MAGI1: variants seen among roughly 807,000 people sequenced by gnomAD.
MAGI1 encodes membrane associated guanylate kinase, WW and PDZ domain containing 1.
Under a neutral mutation model 139.9 loss-of-function variants are expected in MAGI1, and 58 were observed. That is an observed-to-expected ratio of 0.41 (90% confidence interval 0.34 to 0.52). MAGI1 has a LOEUF of 0.52. MAGI1 is among the 20% of genes least tolerant of loss of function. The pLI is 0.12. For synonymous variants in MAGI1, 812 were observed against 737.9 expected (o/e 1.10, Z -1.63); for missense variants, 1,874 against 1,901.6 (o/e 0.99, Z 0.27).
chr3:65,992,546 G>C (rs1037599855), intron 1 of MAGI1, among the ~76,000 whole-genome samples: 1 of 152,166 alleles, frequency 6.6e-6, no homozygotes, highest in African/African-American at 2.4e-5. Context: ...TACCAGGACT[G>C]TCTAACCAAA....
intron 3 of MAGI1, among the ~76,000 whole-genome samples, chr3:65,493,100 G>T (rs893000249): frequency 2.1e-5 from 3 of 145,848 alleles, no homozygotes; most frequent in Admixed American, 6.8e-5. Context: ...AAAAAAGTTT[G>T]CTTTATGAAT....
At chr3:65,427,541 T>C (rs1947143028) in intron 12 of MAGI1, among the ~76,000 whole-genome samples, 1 of 152,162 alleles carries the variant, frequency 6.6e-6, no homozygotes, top group South Asian at 2.1e-4. Context: ...GGTTTGTGTC[T>C]GTCAAATGAG....
Position 65,693,665 on chromosome 3 carries a change from G to T in MAGI1, c.314-71577C>A, listed in dbSNP as rs556612803. Among the ~76,000 whole-genome samples, 13 of 152,204 alleles carry T rather than the reference G, an allele frequency of 8.5e-5. No homozygotes were observed. The East Asian group carries it at 2.3e-3, about 27-fold the overall frequency. On this transcript the variant is annotated intron_variant, in intron 1 of 22. Coordinates refer to ENST00000402939, the MANE Select transcript of MAGI1 (RefSeq NM_001033057.2). ...GCCTGATCCAAGAAGACCAGCAGAT[G>T]TTGAATTCTGACAGGGTATCCATAT...
In MAGI1 at chr3:65,958,790, C is replaced by A. The variant is rs570469866; in HGVS notation, c.313+79206G>T. Among the ~76,000 whole-genome samples the A allele has an allele frequency of 3.3e-5, 5 of 152,220 alleles. No homozygotes were observed. The South Asian group carries it at 8.3e-4, about 25-fold the overall frequency. On this transcript the variant is annotated intron_variant, in intron 1 of 22. Transcript: ENST00000402939. ...TCACTTGAGGCCAAGAGTTCGAGAC[C>A]AGCCTAGCCAACATGGTGAAACCCT... is the stretch of plus-strand genomic sequence containing the variant.
At chr3:65,627,485 CTTTTTTTTTTTTTTTTTTTTTTTTTTTTT>C (rs779588733) in intron 1 of MAGI1, among the ~76,000 whole-genome samples, 1 of 28,322 alleles carries the variant, frequency 3.5e-5, no homozygotes, top group African/African-American at 1.2e-4. Context: ...ATTTCTGTAT[CTTTTTTTTTTTTTTTTTTTTTTTTTTTTT>C]TTTTTTTTTT....
At chr3:65,374,107 C>A (rs935123674) in intron 18 of MAGI1, among the ~76,000 whole-genome samples, 43 of 152,140 alleles carry the variant, frequency 2.8e-4, no homozygotes, top group African/African-American at 9.2e-4. Context: ...ACACTATCTT[C>A]ATAAACTAGA....
At chr3:65,661,779 G>A (rs145014446) in intron 1 of MAGI1, among the ~76,000 whole-genome samples, 1,660 of 113,264 alleles carry the variant, frequency 0.015, 34 homozygotes, top group Middle Eastern at 0.085. Context: ...ATGGAGTCTC[G>A]CTCTGTTGCC....
In MAGI1 at chr3:65,815,848, T is replaced by G. The variant is rs1051808639; in HGVS notation, c.314-193760A>C. Among the ~76,000 whole-genome samples the G allele has an allele frequency of 3.6e-4, 55 of 152,096 alleles. 3 individuals are homozygous for G. The highest frequency in any genetic ancestry group is 1.0e-4 in the Non-Finnish European group (7 of 68,022). On this transcript the variant is annotated intron_variant, in intron 1 of 22. Coordinates refer to ENST00000402939, the MANE Select transcript of MAGI1 (RefSeq NM_001033057.2). ...TGAAGTAACAAAAGCCTGGACTGGC[T>G]AAATAACTAACCAAAAGCTACTCAG...
intron 10 of MAGI1, among the ~76,000 whole-genome samples, chr3:65,435,860 T>A (rs1484146351): frequency 6.6e-6 from 1 of 152,076 alleles, no homozygotes; most frequent in Non-Finnish European, 1.5e-5. Flanking sequence ...AGGAACAGCC[T>A]CTGCAAAGGC....
At chr3:65,852,070 T>G (rs1281523283) in intron 1 of MAGI1, among the ~76,000 whole-genome samples, 1 of 152,192 alleles carries the variant, frequency 6.6e-6, no homozygotes, top group Non-Finnish European at 1.5e-5. Context: ...CAAGGAATTG[T>G]GGGCCCAAGG....
intron 2 of MAGI1, among the ~76,000 whole-genome samples, chr3:65,502,228 G>C (rs1479144558): frequency 1.3e-5 from 2 of 152,216 alleles, no homozygotes; most frequent in Non-Finnish European, 2.9e-5. Flanking sequence ...GCCATAAACA[G>C]TAAGTAACTA....
At chr3:65,506,943 A>G (rs191997283) in intron 2 of MAGI1, among the ~76,000 whole-genome samples, 173 of 152,356 alleles carry the variant, frequency 1.1e-3, no homozygotes, top group Non-Finnish European at 1.9e-3. Context: ...CATAGGCATG[A>G]TAGTTCTGAA....
At chr3:65,679,063 G>T (rs930742785) in intron 1 of MAGI1, among the ~76,000 whole-genome samples, 1 of 151,978 alleles carries the variant, frequency 6.6e-6, no homozygotes, top group South Asian at 2.1e-4. Flanking sequence ...TTTCTCGTCA[G>T]CTAAGCATAT....
chr3:65,824,189 T>A (rs988227079), intron 1 of MAGI1, among the ~76,000 whole-genome samples: 23 of 152,220 alleles, frequency 1.5e-4, no homozygotes, highest in African/African-American at 5.5e-4. Flanking sequence ...CTAGCCTACG[T>A]CCCTGTGAAT....
intron 1 of MAGI1, among the ~76,000 whole-genome samples, chr3:65,772,053 T>G (rs2037996879): frequency 6.6e-6 from 1 of 151,956 alleles, no homozygotes; most frequent in African/African-American, 2.4e-5. Context: ...ATACAAAAAT[T>G]TGCCAGACTT....
intron 20 of MAGI1, among the ~76,000 whole-genome samples, chr3:65,364,416 C>T (rs1388373971): frequency 6.6e-6 from 1 of 152,018 alleles, no homozygotes; most frequent in Admixed American, 6.6e-5. Flanking sequence ...CTCTAACTGC[C>T]GATCCTTGTG....
At chr3:65,842,659 C>G (rs1160651122) in intron 1 of MAGI1, among the ~76,000 whole-genome samples, 2 of 152,152 alleles carry the variant, frequency 1.3e-5, no homozygotes, top group Non-Finnish European at 2.9e-5. Flanking sequence ...CTGCGCCCAG[C>G]CATAAATGTG....
chr3:65,737,513 T>C (rs942226446), intron 1 of MAGI1, among the ~76,000 whole-genome samples: 4 of 152,164 alleles, frequency 2.6e-5, no homozygotes, highest in Non-Finnish European at 5.9e-5. Context: ...ATACTGGGGA[T>C]ACAACAGGAA....
intron 2 of MAGI1, among the ~76,000 whole-genome samples, chr3:65,507,692 C>A (rs73128933): frequency 8.5e-5 from 13 of 152,152 alleles, no homozygotes; most frequent in African/African-American, 2.9e-4. Context: ...ATCATTTAGA[C>A]CCAGCTGATT....
Sources: gnomAD v4.1 joint callset for allele counts (sites outside exome capture counted in the v4.1 genomes callset) on GRCh38, gnomAD v4.1.1 for gene constraint, MANE v1.5 for transcripts, NCBI Gene and HGNC (gene_info 2026-07-23, HGNC 2026-07-21) for gene names.